CBFA2T2: variants seen among roughly 807,000 people sequenced by gnomAD.
CBFA2T2 encodes protein CBFA2T2.
A neutral mutation model predicts 62.2 loss-of-function variants in CBFA2T2; 11 were observed. The observed-to-expected ratio is 0.18, with a 90% CI of 0.11 to 0.29. The LOEUF (loss-of-function observed/expected upper bound fraction) is 0.29. CBFA2T2 is among the 10% of genes least tolerant of loss of function. CBFA2T2 has a pLI of 1.00. For synonymous variants in CBFA2T2, 295 were observed against 287.5 expected (o/e 1.03, Z -0.27); for missense variants, 592 against 774.1 (o/e 0.76, Z 2.79).
At chr20:33,529,779 ATATTTC>A (rs2012000902) in intron 1 of CBFA2T2, among the ~76,000 whole-genome samples, 1 of 38,702 alleles carries the variant, frequency 2.6e-5, no homozygotes, top group African/African-American at 7.6e-5. Context: ...ATATATATAT[ATATTTC>A]TTTTTTTTTT....
rs1265693985 is a variant in CBFA2T2 at position 33,607,044 on chromosome 20, C to T, written c.123C>T (p.Pro41=). 4 of 1,613,942 alleles carry T rather than the reference C, an allele frequency of 2.5e-6. No homozygotes were observed. The South Asian group carries it at 3.3e-5, about 13-fold the overall frequency. Residue 41 remains proline (P), a synonymous_variant, in exon 2 of 11, where the codon CCC becomes CCT. Coordinates refer to ENST00000342704, the MANE Select transcript of CBFA2T2 (RefSeq NM_001032999.3). ...GATCCTCACCTCCCACCATGCCACC[C>T]CTCCCACCAATAAATCCTGGAGGAC... is the stretch of plus-strand genomic sequence containing the variant. The part of the protein sequence containing the change: ...QSRSSPPTMP[P]LPPINPGGPR...
intron 1 of CBFA2T2, among the ~76,000 whole-genome samples, chr20:33,521,990 A>G (rs546028161): frequency 3.9e-5 from 6 of 152,036 alleles, no homozygotes; most frequent in East Asian, 1.9e-4. Flanking sequence ...TATAAATAGT[A>G]GTATATATAT....
At position 33,575,738 on chromosome 20, in the gene CBFA2T2, C is replaced by T. The variant is rs1402415690; in HGVS notation, c.35-31218C>T. Reference sequence around the variant, plus strand: ...ACAGACAGGCACAGAAACAAATCACCTGTGGCACAATATGACAAATGACAT... The same window carrying T: ...ACAGACAGGCACAGAAACAAATCACTTGTGGCACAATATGACAAATGACAT... On this transcript the variant is annotated intron_variant, in intron 1 of 10. Coordinates refer to ENST00000342704, the MANE Select transcript of CBFA2T2 (RefSeq NM_001032999.3). 3.3e-5 allele frequency among the ~76,000 whole-genome samples: 5 copies of T among 152,224 alleles called. No homozygotes were observed. In the East Asian group the frequency reaches 9.7e-4, roughly 29 times the overall value.
intron 1 of CBFA2T2, among the ~76,000 whole-genome samples, chr20:33,567,365 T>A (rs2013367435): frequency 6.6e-6 from 1 of 152,188 alleles, no homozygotes; most frequent in African/African-American, 2.4e-5. Flanking sequence ...TTGTCTCTCG[T>A]AGCTGGAGCT....
At chr20:33,626,917 A>G (rs1309714415) in intron 6 of CBFA2T2, among the ~76,000 whole-genome samples, 2 of 152,318 alleles carry the variant, frequency 1.3e-5, no homozygotes, top group East Asian at 3.9e-4. Flanking sequence ...GTCCCAGACA[A>G]TTGTTATCCC....
In CBFA2T2 at chr20:33,490,222, C is replaced by G. The variant is rs748909454; in HGVS notation, c.-46C>G. On this transcript the variant is annotated 5_prime_UTR_variant, in exon 1 of 11. Coordinates refer to ENST00000342704, the MANE Select transcript of CBFA2T2 (RefSeq NM_001032999.3). ...AGGCGGGCGGCGCCTGCGAGGGACC[C>G]GTGTCGCGGGTAGAGGCGGGCGGCG... 1.6e-6 allele frequency: 2 copies of G among 1,221,620 alleles called. No individual in the cohort carries two copies. The highest frequency in any genetic ancestry group is 3.2e-4 in the Middle Eastern group (1 of 3,170). The allele number at this position is 1,221,620 out of a possible 1,614,324, so 75.7% of individuals were successfully genotyped here.
At chr20:33,642,520 C>T (rs1307795903) in intron 10 of CBFA2T2, among the ~76,000 whole-genome samples, 1 of 151,764 alleles carries the variant, frequency 6.6e-6, no homozygotes, top group Non-Finnish European at 1.5e-5. Flanking sequence ...GCAGGAGGAT[C>T]GCTTGAGCCC....
intron 8 of CBFA2T2, among the ~76,000 whole-genome samples, chr20:33,630,643 C>T (rs190896769): frequency 5.3e-4 from 80 of 152,286 alleles, no homozygotes; most frequent in African/African-American, 1.4e-3. Context: ...CAAAATGTTC[C>T]AGCACATTCA....
Position 33,644,800 on chromosome 20 carries a change from C to T in CBFA2T2, c.*154C>T. 1.3e-6 allele frequency: 1 copy of T among 770,508 alleles called. No individual in the cohort carries two copies. The highest frequency in any genetic ancestry group is 2.0e-6 in the Non-Finnish European group (1 of 490,396). The allele number at this position is 770,508 out of a possible 1,614,324, so 47.7% of individuals were successfully genotyped here. ...TCCAAGCCTGAATAATAACACCCCA[C>T]AGCCTCTCTGTGCACTTGCTGTCTG... On this transcript the variant is annotated 3_prime_UTR_variant, in exon 11 of 11. Coordinates refer to ENST00000342704, the MANE Select transcript of CBFA2T2 (RefSeq NM_001032999.3).
chr20:33,542,674 T>G (rs2012437484), intron 1 of CBFA2T2, among the ~76,000 whole-genome samples: 1 of 152,140 alleles, frequency 6.6e-6, no homozygotes, highest in Admixed American at 6.6e-5. Context: ...TACTAAGTCT[T>G]TTTTTGGGGG....
chr20:33,591,190 G>A (rs1313592217), intron 1 of CBFA2T2, among the ~76,000 whole-genome samples: 59 of 66,046 alleles, frequency 8.9e-4, no homozygotes, highest in African/African-American at 1.7e-3. Context: ...AAAAAAAAAA[G>A]TACTGATGAA....
At chr20:33,534,523 G>A (rs2012148890) in intron 1 of CBFA2T2, among the ~76,000 whole-genome samples, 1 of 152,054 alleles carries the variant, frequency 6.6e-6, no homozygotes, top group South Asian at 2.1e-4. Context: ...ATGTTGGCCA[G>A]GCTGGTCTTG....
chr20:33,516,539 C>T (rs1354409914), intron 1 of CBFA2T2, among the ~76,000 whole-genome samples: 3 of 152,110 alleles, frequency 2.0e-5, no homozygotes, highest in African/African-American at 4.8e-5. Context: ...TTCGGGAGGC[C>T]GAGGTGGGCA....
At chr20:33,512,472 C>T (rs927128529) in intron 1 of CBFA2T2, among the ~76,000 whole-genome samples, 5 of 152,212 alleles carry the variant, frequency 3.3e-5, no homozygotes, top group Admixed American at 1.3e-4. Flanking sequence ...TATCACCATT[C>T]ATTAGTTTTG....
At chr20:33,582,157 G>C (rs1273090374) in intron 1 of CBFA2T2, among the ~76,000 whole-genome samples, 1 of 152,192 alleles carries the variant, frequency 6.6e-6, no homozygotes, top group Non-Finnish European at 1.5e-5. Flanking sequence ...CAAACACTTA[G>C]TACAGTGCTT....
At chr20:33,496,061 A>G (rs922470698) in intron 1 of CBFA2T2, among the ~76,000 whole-genome samples, 3 of 152,160 alleles carry the variant, frequency 2.0e-5, no homozygotes, top group Non-Finnish European at 2.9e-5. Flanking sequence ...AAGTGCTTTA[A>G]GCGTAAGGCT....
chr20:33,549,386 A>G (rs569900552), intron 1 of CBFA2T2, among the ~76,000 whole-genome samples: 1 of 152,352 alleles, frequency 6.6e-6, no homozygotes, highest in East Asian at 1.9e-4. Flanking sequence ...GTGAATAGAT[A>G]AGCATAATGT....
At chr20:33,504,760 A>G (rs980105209) in intron 1 of CBFA2T2, among the ~76,000 whole-genome samples, 1 of 152,038 alleles carries the variant, frequency 6.6e-6, no homozygotes, top group Non-Finnish European at 1.5e-5. Context: ...ATACCATACC[A>G]TTTTGCATTT....
intron 1 of CBFA2T2, among the ~76,000 whole-genome samples, chr20:33,580,535 C>T (rs975548683): frequency 6.6e-5 from 10 of 152,108 alleles, no homozygotes; most frequent in Non-Finnish European, 1.5e-4. Context: ...TTCTTCATTA[C>T]GCAGCAGCTG....
Sources: gnomAD v4.1 joint callset for allele counts (sites outside exome capture counted in the v4.1 genomes callset) on GRCh38, gnomAD v4.1.1 for gene constraint, MANE v1.5 for transcripts, NCBI Gene and HGNC (gene_info 2026-07-23, HGNC 2026-07-21) for gene names.